Variants in ABCA4 observed in about 807,000 individuals in gnomAD.
ABCA4 encodes retinal-specific phospholipid-transporting ATPase ABCA4.
ABCA4 carries 196 observed loss-of-function variants against 263.7 expected under a neutral mutation model. That is an observed-to-expected ratio of 0.74 (90% CI 0.66 to 0.84). ABCA4 has a LOEUF of 0.84. Among genes scored for constraint, ABCA4 ranks in the 40% least tolerant of loss-of-function variants. The pLI is 0.00. For missense variants in ABCA4, 2,792 were observed against 2,855.1 expected (o/e 0.98, Z 0.50); for synonymous variants, 1,133 against 1,094.2 (o/e 1.04, Z -0.70).
In ABCA4 at chr1:94,014,605, G is replaced by A. The variant is rs1449841831; in HGVS notation, c.5398C>T (p.Leu1800=). Reference sequence around the variant, plus strand: ...GCACTGCTGTTGATGCCGATGAACAGATTAGCACAAGATAAAGCCACATAG... The same window carrying A: ...GCACTGCTGTTGATGCCGATGAACAAATTAGCACAAGATAAAGCCACATAG... ...TAYVALSCAN[L]FIGINSSAIT... is the part of the protein sequence containing the mutation. Residue 1800 remains leucine (L), a synonymous_variant, in exon 38 of 50, where the codon CTG becomes TTG. Transcript: ENST00000370225. 2 of 1,614,094 alleles carry A rather than the reference G, an allele frequency of 1.2e-6. No individual in the cohort carries two copies. The highest frequency in any genetic ancestry group is 1.3e-5 in the African/African-American group (1 of 74,934).
intron 6 of ABCA4, among the ~76,000 whole-genome samples, chr1:94,095,144 G>T (rs1233015832): frequency 6.6e-6 from 1 of 152,184 alleles, no homozygotes; most frequent in African/African-American, 2.4e-5. Flanking sequence ...GTGTACGCGC[G>T]GGGATGGGTG....
chr1:94,057,412 G>T (rs1009024334), intron 14 of ABCA4, among the ~76,000 whole-genome samples: 1 of 152,222 alleles, frequency 6.6e-6, no homozygotes, highest in Non-Finnish European at 1.5e-5. Flanking sequence ...CCTGGGTAGG[G>T]GGTCTTGGAG....
At chr1:94,020,957 A>G (rs1659878781) in intron 35 of ABCA4, among the ~76,000 whole-genome samples, 1 of 152,262 alleles carries the variant, frequency 6.6e-6, no homozygotes. Context: ...TAGCAAAGAT[A>G]ATAATTGTAT....
At chr1:94,023,331 T>C (rs1005493420) in intron 32 of ABCA4, 55 bp downstream of exon 32, 2 of 1,455,930 alleles carry the variant, frequency 1.4e-6, no homozygotes, top group Non-Finnish European at 1.9e-6. Flanking sequence ...AGTGTGCAAT[T>C]ATTTCAACAA....
chr1:94,011,207 C>G (rs548832198), intron 39 of ABCA4, 55 bp downstream of exon 39: 2 of 1,613,280 alleles, frequency 1.2e-6, no homozygotes, highest in Non-Finnish European at 1.7e-6. Context: ...CCCCCGGTAA[C>G]CCTCCCAGCT....
chr1:94,107,717 C>T (rs955557619), intron 4 of ABCA4, among the ~76,000 whole-genome samples: 6 of 152,186 alleles, frequency 3.9e-5, no homozygotes, highest in Non-Finnish European at 8.8e-5. Context: ...CCTCACCATG[C>T]ACCTGCACCT....
intron 36 of ABCA4, chr1:94,018,424 G>A (rs998677546): frequency 3.2e-5 from 12 of 370,482 alleles, no homozygotes; most frequent in South Asian, 1.0e-4. Flanking sequence ...CCTCCTCCCC[G>A]TGCATTTATG....
chr1:94,023,873 A>T (rs1340816427), intron 31 of ABCA4, among the ~76,000 whole-genome samples: 1 of 152,186 alleles, frequency 6.6e-6, no homozygotes, highest in Non-Finnish European at 1.5e-5. Flanking sequence ...TCAGTCAATC[A>T]AGGGTAAAAT....
chr1:94,023,947 T>C lies in ABCA4; in HGVS notation c.4635-529A>G, dbSNP rs929298275. On this transcript the variant is annotated intron_variant, in intron 31 of 49. Transcript: ENST00000370225. ...CAGAGCTCAATCCCATGAACTGTCA[T>C]TGTCATCCACCTTTAAGCACACACG... 3.9e-5 allele frequency among the ~76,000 whole-genome samples: 6 copies of C among 152,214 alleles called. No individual in the cohort carries two copies. The South Asian group carries it at 1.2e-3, about 32-fold the overall frequency.
At chr1:93,993,934 G>A (rs140599480) in intron 49 of ABCA4, among the ~76,000 whole-genome samples, 26 of 152,218 alleles carry the variant, frequency 1.7e-4, no homozygotes, top group Non-Finnish European at 3.5e-4. Flanking sequence ...CAGTCTAGAC[G>A]AAATGTGGTT....
intron 40 of ABCA4, among the ~76,000 whole-genome samples, chr1:94,009,191 G>T (rs141314819): frequency 6.6e-6 from 1 of 152,036 alleles, no homozygotes; most frequent in Admixed American, 6.5e-5. Context: ...TCATAGGATT[G>T]TGCTGAAGAT....
At chr1:94,019,870 C>T (rs907801708) in intron 35 of ABCA4, 111 bp from the exon 36 acceptor site, 2 of 1,149,718 alleles carry the variant, frequency 1.7e-6, no homozygotes, top group South Asian at 1.3e-5. Context: ...CAGGTGTGGC[C>T]TCCAGGTTCC....
intron 23 of ABCA4, 65 bp downstream of exon 23, chr1:94,041,144 T>C: frequency 6.5e-7 from 1 of 1,544,518 alleles, no homozygotes; most frequent in Non-Finnish European, 8.9e-7. Context: ...ATGTCTGGAG[T>C]GGCAGCCCCG....
In ABCA4 at chr1:94,015,813, G is replaced by A; in HGVS notation, c.5238C>T (p.Phe1746=). The A allele has an allele frequency of 1.9e-6, 3 of 1,614,006 alleles. No individual in the cohort carries two copies. The highest frequency in any genetic ancestry group is 2.5e-6 in the Non-Finnish European group (3 of 1,180,002). ...TGTAGGCTTTCTTCTGAAACCCGATGAAGATGCCCACCACCAGCCCAGCAC... is the reference window on the plus strand; with the variant it reads ...TGTAGGCTTTCTTCTGAAACCCGATAAAGATGCCCACCACCAGCCCAGCAC... ...SVSAGLVVGI[F]IGFQKKAYTS... is the part of the protein sequence containing the mutation. The change falls in exon 37 of 50, where the codon TTC becomes TTT. Residue 1746 remains phenylalanine, a synonymous_variant. Coordinates refer to ENST00000370225, the MANE Select transcript of ABCA4 (RefSeq NM_000350.3).
chr1:94,090,153 A>C (rs939691617), intron 6 of ABCA4, among the ~76,000 whole-genome samples: 2 of 152,196 alleles, frequency 1.3e-5, no homozygotes, highest in Non-Finnish European at 2.9e-5. Context: ...AAGATGTGCA[A>C]ACCCCACGCT....
At chr1:94,096,344 C>T (rs1353768322) in intron 6 of ABCA4, among the ~76,000 whole-genome samples, 1 of 152,142 alleles carries the variant, frequency 6.6e-6, no homozygotes, top group African/African-American at 2.4e-5. Flanking sequence ...GGTGTTGGCC[C>T]TTTCTAGGCT....
At position 94,021,427 on chromosome 1, in the gene ABCA4, C is replaced by T. The variant is rs753009932; in HGVS notation, c.4849-18G>A. On this transcript the variant is annotated intron_variant, in intron 34 of 49. Transcript: ENST00000370225. ...AACCACACCTAGAGGGTGGAGAGGA[C>T]ATCTGAGACGCTGCACTAACAGCTA... is the stretch of plus-strand genomic sequence containing the variant. 1 of 1,614,038 alleles carries T rather than the reference C, an allele frequency of 6.2e-7. No homozygotes were observed. The highest frequency in any genetic ancestry group is 8.5e-7 in the Non-Finnish European group (1 of 1,179,974).
intron 16 of ABCA4, among the ~76,000 whole-genome samples, chr1:94,054,771 G>T (rs1402301748): frequency 6.6e-6 from 1 of 152,152 alleles, no homozygotes; most frequent in Non-Finnish European, 1.5e-5. Flanking sequence ...AAAAGCCAGT[G>T]CAAGCATTTG....
intron 11 of ABCA4, among the ~76,000 whole-genome samples, chr1:94,067,384 G>C (rs1404645812): frequency 6.6e-6 from 1 of 152,150 alleles, no homozygotes; most frequent in East Asian, 1.9e-4. Flanking sequence ...GATGACGTGG[G>C]CTCCATCCTG....
Sources: allele counts gnomAD v4.1 joint callset (sites outside exome capture counted in the v4.1 genomes callset), GRCh38; gene constraint gnomAD v4.1.1; transcripts MANE v1.5; gene names NCBI Gene and HGNC (gene_info 2026-07-23, HGNC 2026-07-21).